Variants in KCNK2 observed in about 807,000 individuals in gnomAD.
The protein encoded by KCNK2 is potassium two pore domain channel subfamily K member 2, also known as potassium channel subfamily K member 2.
A neutral mutation model predicts 40.5 loss-of-function variants in KCNK2; 21 were observed. The observed-to-expected ratio is 0.52, with a 90% CI of 0.37 to 0.75. KCNK2 has a LOEUF of 0.75. KCNK2 is among the 30% of genes least tolerant of loss of function. KCNK2 has a pLI of 0.00. For missense variants in KCNK2, 399 were observed against 531.6 expected, an observed-to-expected ratio of 0.75 and a Z score of 2.45; for synonymous variants, 191 against 202.2, an observed-to-expected ratio of 0.94 and a Z score of 0.47.
intron 5 of KCNK2, among the ~76,000 whole-genome samples, 189 bp from the exon 6 acceptor site, chr1:215,194,764 T>C (rs1421037779): frequency 6.6e-6 from 1 of 152,120 alleles, no homozygotes; most frequent in Non-Finnish European, 1.5e-5. Flanking sequence ...AACTTGTTCT[T>C]GAAAAATAGG....
intron 1 of KCNK2, among the ~76,000 whole-genome samples, chr1:215,009,648 T>A (rs1656307457): frequency 6.6e-6 from 1 of 152,082 alleles, no homozygotes. Context: ...TCCAGAAATA[T>A]ATGATTCACC....
intron 2 of KCNK2, among the ~76,000 whole-genome samples, chr1:215,093,805 ATATAT>A (rs1659841355): frequency 7.1e-5 from 2 of 28,212 alleles, no homozygotes; most frequent in Non-Finnish European, 1.2e-4. Context: ...ATAATATAAA[ATATAT>A]TATATATTAT....
At chr1:215,137,853 T>C (rs937830144) in intron 3 of KCNK2, among the ~76,000 whole-genome samples, 45 of 152,288 alleles carry the variant, frequency 3.0e-4, no homozygotes, top group African/African-American at 1.0e-3. Context: ...TCATCGAAGA[T>C]TGAAATAAGG....
At chr1:215,125,812 T>C (rs1381826622) in intron 3 of KCNK2, among the ~76,000 whole-genome samples, 1 of 146,732 alleles carries the variant, frequency 6.8e-6, no homozygotes, top group African/African-American at 2.5e-5. Flanking sequence ...AAGAAAGCCA[T>C]GTTTGTCATT....
At chr1:215,165,609 T>C (rs917830471) in intron 3 of KCNK2, among the ~76,000 whole-genome samples, 1 of 152,122 alleles carries the variant, frequency 6.6e-6, no homozygotes, top group Non-Finnish European at 1.5e-5. Context: ...TATAATAGAG[T>C]AAGCACTTTT....
intron 6 of KCNK2, among the ~76,000 whole-genome samples, chr1:215,199,699 GT>G (rs943573834): frequency 2.0e-5 from 3 of 152,136 alleles, no homozygotes; most frequent in African/African-American, 7.2e-5. Context: ...AGGAAATAAT[GT>G]TTCCATTTAC....
chr1:215,125,273 C>G (rs542376428), intron 3 of KCNK2, among the ~76,000 whole-genome samples: 1 of 151,978 alleles, frequency 6.6e-6, no homozygotes, highest in South Asian at 2.1e-4. Context: ...AAATTTAACA[C>G]TGAAATGTAA....
chr1:215,102,233 G>T (rs1031407730), intron 2 of KCNK2, among the ~76,000 whole-genome samples: 1 of 151,944 alleles, frequency 6.6e-6, no homozygotes, highest in African/African-American at 2.4e-5. Flanking sequence ...AGCTTCCAGT[G>T]GGACAAGATG....
At chr1:215,105,116 A>G (rs1212213600) in intron 2 of KCNK2, among the ~76,000 whole-genome samples, 1 of 152,144 alleles carries the variant, frequency 6.6e-6, no homozygotes, top group East Asian at 1.9e-4. Context: ...AATGTCTAAT[A>G]CAGTATCGTT....
chr1:215,186,584 C>T (rs1004318192), intron 5 of KCNK2, among the ~76,000 whole-genome samples: 6 of 152,014 alleles, frequency 3.9e-5, no homozygotes, highest in South Asian at 2.1e-4. Flanking sequence ...TAGAGATCAC[C>T]GGTGCAGATA....
chr1:215,227,653 C>T (rs985572905), intron 6 of KCNK2, among the ~76,000 whole-genome samples: 4 of 151,950 alleles, frequency 2.6e-5, no homozygotes, highest in African/African-American at 7.3e-5. Context: ...TTGGCGGCTG[C>T]GTGGAGAATG....
chr1:215,105,998 A>C (rs1660424699), intron 2 of KCNK2, among the ~76,000 whole-genome samples: 1 of 152,078 alleles, frequency 6.6e-6, no homozygotes, highest in Non-Finnish European at 1.5e-5. Context: ...TACTATTGAC[A>C]GGCACCTAGA....
At chr1:215,050,876 G>A (rs920470506) in intron 1 of KCNK2, among the ~76,000 whole-genome samples, 2 of 152,112 alleles carry the variant, frequency 1.3e-5, no homozygotes, top group African/African-American at 4.8e-5. Flanking sequence ...GAGTTTATTA[G>A]CTCCCGGCAT....
intron 6 of KCNK2, among the ~76,000 whole-genome samples, chr1:215,203,879 A>C (rs1042247032): frequency 2.6e-5 from 4 of 151,870 alleles, no homozygotes; most frequent in African/African-American, 4.8e-5. Flanking sequence ...TCTACTAAAA[A>C]CACAAAAAAT....
chr1:215,171,204 C>T (rs1663695886), intron 4 of KCNK2, among the ~76,000 whole-genome samples: 1 of 152,110 alleles, frequency 6.6e-6, no homozygotes, highest in East Asian at 1.9e-4. Flanking sequence ...TGGATATAAA[C>T]TGTTGTATAT....
At chr1:215,083,644 G>A (rs1659287104) in intron 1 of KCNK2, 1 of 605,322 alleles carries the variant, frequency 1.7e-6, no homozygotes, top group Non-Finnish European at 2.9e-6. Context: ...CCGGTGCCCG[G>A]GGTTTTTGCA....
At chr1:215,208,726 A>G (rs1311096212) in intron 6 of KCNK2, among the ~76,000 whole-genome samples, 1 of 152,174 alleles carries the variant, frequency 6.6e-6, no homozygotes, top group Non-Finnish European at 1.5e-5. Flanking sequence ...CATTTTCAAA[A>G]TTGGAAACTG....
At chr1:215,194,420 A>G (rs916119380) in intron 5 of KCNK2, among the ~76,000 whole-genome samples, 2 of 152,152 alleles carry the variant, frequency 1.3e-5, no homozygotes, top group African/African-American at 4.8e-5. Context: ...CCATCAAGTC[A>G]TTGTCTCTGG....
intron 5 of KCNK2, among the ~76,000 whole-genome samples, chr1:215,193,726 C>T (rs1664756792): frequency 6.6e-6 from 1 of 152,168 alleles, no homozygotes; most frequent in Non-Finnish European, 1.5e-5. Context: ...CAGGACTTAT[C>T]TCCCGAGAGA....
Sources: allele counts gnomAD v4.1 joint callset (sites outside exome capture counted in the v4.1 genomes callset), GRCh38; gene constraint gnomAD v4.1.1; transcripts MANE v1.5; gene names NCBI Gene and HGNC (gene_info 2026-07-23, HGNC 2026-07-21).